The following RBFOX3 variants were observed in gnomAD, a reference collection of about 807,000 sequenced individuals.
The protein encoded by RBFOX3 is RNA binding protein fox-1 homolog 3.
Under a neutral mutation model 48.7 loss-of-function variants are expected in RBFOX3, and 17 were observed. The ratio of observed to expected loss-of-function variants is 0.35; its 90% CI spans 0.24 to 0.52. RBFOX3 has a LOEUF of 0.52. Ranked by LOEUF, RBFOX3 falls within the 20% of genes least tolerant of loss-of-function variation. The probability of loss-of-function intolerance (pLI) is 0.94; values close to 1 mark genes in which losing one functional copy is unlikely to be tolerated. For synonymous variants in RBFOX3, 212 were observed against 209.5 expected (o/e 1.01, Z -0.10); for missense variants, 382 against 497.5 (o/e 0.77, Z 2.21).
At chr17:79,427,730 T>C (rs1051651012) in intron 2 of RBFOX3, among the ~76,000 whole-genome samples, 1 of 152,246 alleles carries the variant, frequency 6.6e-6, no homozygotes, top group Non-Finnish European at 1.5e-5. Context: ...AGGCTCCTCA[T>C]AGCACATCCA....
the RBFOX3 span, among the ~76,000 whole-genome samples, chr17:79,649,020 C>A: frequency 5.3e-5 from 8 of 150,800 alleles, no homozygotes; most frequent in Admixed American, 4.0e-4. Context: ...ACTCTGTAAC[C>A]CAGGCTGGAG....
At chr17:79,130,396 G>A (rs912497096) in intron 4 of RBFOX3, among the ~76,000 whole-genome samples, 4 of 152,166 alleles carry the variant, frequency 2.6e-5, no homozygotes, top group Non-Finnish European at 4.4e-5. Context: ...CAGTCACTTC[G>A]CAAGCCAACA....
chr17:79,337,503 C>A (rs371711771), intron 2 of RBFOX3, among the ~76,000 whole-genome samples: 1 of 151,958 alleles, frequency 6.6e-6, no homozygotes, highest in Non-Finnish European at 1.5e-5. Context: ...GCGCCGGGCA[C>A]GGTGGCTCAC....
At chr17:79,317,014 G>A (rs9897914) in intron 2 of RBFOX3, among the ~76,000 whole-genome samples, 78,162 of 152,074 alleles carry the variant, frequency 0.51, 20,621 homozygotes, top group African/African-American at 0.65. Context: ...AGATGTGCAC[G>A]GACACGTGCA....
At chr17:79,308,404 G>T (rs1473502529) in intron 2 of RBFOX3, among the ~76,000 whole-genome samples, 1 of 152,340 alleles carries the variant, frequency 6.6e-6, no homozygotes, top group Non-Finnish European at 1.5e-5. Flanking sequence ...ACGAGCAGCT[G>T]TGAATTCTCC....
chr17:79,536,653 C>T (rs1022662684), intron 1 of RBFOX3, among the ~76,000 whole-genome samples: 1 of 147,978 alleles, frequency 6.8e-6, no homozygotes, highest in South Asian at 2.1e-4. Context: ...ATGCTTGCCC[C>T]GCCCCAGCGT....
At chr17:79,614,316 C>T (rs1003095300), upstream of RBFOX3, among the ~76,000 whole-genome samples, 20 of 152,346 alleles carry the variant, frequency 1.3e-4, no homozygotes, top group Non-Finnish European at 1.6e-4. Context: ...TTTTCCCTCA[C>T]GGCACCTGTC....
chr17:79,128,020 T>TAC (rs1266222394), intron 4 of RBFOX3, among the ~76,000 whole-genome samples: 1 of 152,178 alleles, frequency 6.6e-6, no homozygotes, highest in Non-Finnish European at 1.5e-5. Flanking sequence ...GCCCCCAAAA[T>TAC]ACACACCATG....
chr17:79,293,416 CTTCCTTCCTTCCTTCCTT>C (rs2073751573), intron 3 of RBFOX3, among the ~76,000 whole-genome samples: 3 of 16,678 alleles, frequency 1.8e-4, no homozygotes, highest in Admixed American at 7.3e-4. Flanking sequence ...CCACCCCTTC[CTTCCTTCCTTCCTTCCTT>C]CCTTCCTTCC....
At chr17:79,403,784 T>TTC (rs1465771775) in intron 2 of RBFOX3, among the ~76,000 whole-genome samples, 22 of 82,796 alleles carry the variant, frequency 2.7e-4, no homozygotes, top group Admixed American at 4.7e-4. Context: ...TTCTTTTTCT[T>TTC]TTTTTTTTTT....
intron 4 of RBFOX3, among the ~76,000 whole-genome samples, chr17:79,130,201 A>G (rs1330791667): frequency 6.6e-6 from 1 of 152,078 alleles, no homozygotes; most frequent in Non-Finnish European, 1.5e-5. Flanking sequence ...TCATTCAGGG[A>G]CCATTAGGTC....
intron 2 of RBFOX3, among the ~76,000 whole-genome samples, chr17:79,329,792 C>T (rs189630912): frequency 6.6e-6 from 1 of 152,304 alleles, no homozygotes; most frequent in African/African-American, 2.4e-5. Flanking sequence ...GGCTCCCATC[C>T]CGGTTCCTCT....
intron 4 of RBFOX3, among the ~76,000 whole-genome samples, chr17:79,170,143 A>AAGGGAGGAGGAAGG (rs1555728702): frequency 1.2e-4 from 13 of 111,310 alleles, no homozygotes; most frequent in African/African-American, 4.2e-4. Flanking sequence ...GGAAGGAGGG[A>AAGGGAGGAGGAAGG]AGGAAGGAAG....
At chr17:79,427,364 C>T (rs782096319) in intron 2 of RBFOX3, among the ~76,000 whole-genome samples, 4 of 152,232 alleles carry the variant, frequency 2.6e-5, no homozygotes, top group Non-Finnish European at 4.4e-5. Flanking sequence ...AAGGTCCCTA[C>T]ACAGTTGGGC....
intron 2 of RBFOX3, among the ~76,000 whole-genome samples, chr17:79,312,256 A>AG (rs769778232): frequency 1.4e-3 from 212 of 146,884 alleles, no homozygotes; most frequent in Admixed American, 4.8e-3. Context: ...GGGAGCAGGC[A>AG]GGGGAGAGAC....
chr17:79,456,872 C>G (rs2149217211), intron 2 of RBFOX3, among the ~76,000 whole-genome samples: 1 of 152,380 alleles, frequency 6.6e-6, no homozygotes, highest in Non-Finnish European at 1.5e-5. Flanking sequence ...CAGCCACCCA[C>G]TCAGCACAGG....
intron 3 of RBFOX3, among the ~76,000 whole-genome samples, chr17:79,304,058 T>C (rs1040699982): frequency 6.6e-6 from 1 of 152,190 alleles, no homozygotes; most frequent in South Asian, 2.1e-4. Flanking sequence ...TTGGAGTGTA[T>C]GTTTGCAGTC....
At chr17:79,483,911 T>G (rs1162421535) in intron 1 of RBFOX3, among the ~76,000 whole-genome samples, 1 of 152,242 alleles carries the variant, frequency 6.6e-6, no homozygotes, top group Non-Finnish European at 1.5e-5. Context: ...TGAAGGATTC[T>G]GTTTGTTTAG....
chr17:79,464,239 C>CT (rs200832864), intron 2 of RBFOX3, among the ~76,000 whole-genome samples: 4,654 of 152,350 alleles, frequency 0.031, 243 homozygotes, highest in African/African-American at 0.11. Context: ...ACCAAGGAGA[C>CT]TGGCCGATTT....
Sources: gnomAD v4.1 joint callset for allele counts (sites outside exome capture counted in the v4.1 genomes callset) on GRCh38, gnomAD v4.1.1 for gene constraint, MANE v1.5 for transcripts, NCBI Gene and HGNC (gene_info 2026-07-23, HGNC 2026-07-21) for gene names.